The following NELL1 variants were observed in gnomAD, a reference collection of about 807,000 sequenced individuals.
NELL1 encodes neural EGFL like 1, also known as protein kinase C-binding protein NELL1.
In NELL1, 76 loss-of-function variants were observed where a neutral mutation model predicts 107.4. That is an observed-to-expected ratio of 0.71 (90% confidence interval 0.59 to 0.86). NELL1 has a LOEUF of 0.86. NELL1 is among the 40% of genes least tolerant of loss of function. NELL1 has a pLI of 0.00. For synonymous variants in NELL1, 353 were observed against 341.2 expected (o/e 1.03, Z -0.38); for missense variants, 1,024 against 1,005.5 (o/e 1.02, Z -0.25).
intron 12 of NELL1, among the ~76,000 whole-genome samples, chr11:21,097,398 C>T (rs1228234530): frequency 6.6e-6 from 1 of 152,190 alleles, no homozygotes; most frequent in Non-Finnish European, 1.5e-5. Flanking sequence ...GCACAGAGAA[C>T]AAAGGACACC....
At chr11:21,484,470 T>C (rs1854577308) in intron 15 of NELL1, among the ~76,000 whole-genome samples, 1 of 151,996 alleles carries the variant, frequency 6.6e-6, no homozygotes, top group African/African-American at 2.4e-5. Context: ...TTCCACATCT[T>C]CATGTAATTT....
intron 14 of NELL1, among the ~76,000 whole-genome samples, chr11:21,239,743 C>A (rs1490498828): frequency 6.6e-6 from 1 of 151,978 alleles, no homozygotes; most frequent in Non-Finnish European, 1.5e-5. Context: ...GAATCACAGT[C>A]CCACATCTAT....
At chr11:20,774,872 TG>T (rs1259675938) in intron 2 of NELL1, among the ~76,000 whole-genome samples, 1 of 151,976 alleles carries the variant, frequency 6.6e-6, no homozygotes, top group African/African-American at 2.4e-5. Context: ...GAGTACACCT[TG>T]GGGTTCTCAG....
At chr11:21,552,077 A>T (rs543321076) in intron 16 of NELL1, among the ~76,000 whole-genome samples, 1 of 142,920 alleles carries the variant, frequency 7.0e-6, no homozygotes, top group Admixed American at 7.1e-5. Flanking sequence ...CATAGGTGGG[A>T]ATTGAACAAT....
At chr11:20,954,065 T>C (rs1851120435) in intron 11 of NELL1, among the ~76,000 whole-genome samples, 1 of 152,220 alleles carries the variant, frequency 6.6e-6, no homozygotes, top group African/African-American at 2.4e-5. Context: ...TCTGTGTACC[T>C]TCCACAAGTT....
chr11:21,198,541 A>G (rs1023399621), intron 13 of NELL1, among the ~76,000 whole-genome samples: 2 of 152,200 alleles, frequency 1.3e-5, no homozygotes, highest in Admixed American at 6.5e-5. Context: ...TGGTAGAGAG[A>G]GACAGGTGCG....
At chr11:21,087,732 C>T (rs1054525673) in intron 12 of NELL1, among the ~76,000 whole-genome samples, 2 of 152,076 alleles carry the variant, frequency 1.3e-5, no homozygotes, top group Non-Finnish European at 2.9e-5. Context: ...GGCCCATGTA[C>T]CAAACCTGGC....
intron 3 of NELL1, among the ~76,000 whole-genome samples, chr11:20,798,514 ACTCTT>A (rs1233606946): frequency 2.6e-5 from 4 of 151,874 alleles, no homozygotes; most frequent in Non-Finnish European, 5.9e-5. Flanking sequence ...ATTTAAAAAA[ACTCTT>A]CTTTGACATC....
chr11:20,674,527 A>G, intron 1 of NELL1: 2 of 1,536,054 alleles, frequency 1.3e-6, no homozygotes, highest in Non-Finnish European at 1.7e-6. Flanking sequence ...GCTGATATGG[A>G]GAACTAGAGT....
intron 12 of NELL1, among the ~76,000 whole-genome samples, chr11:20,989,920 C>T (rs1426705751): frequency 1.3e-5 from 2 of 151,604 alleles, no homozygotes. Flanking sequence ...TGGCATGAAC[C>T]CGGGAGGCAG....
intron 14 of NELL1, among the ~76,000 whole-genome samples, chr11:21,259,766 CT>C (rs34727606): frequency 1.3e-5 from 2 of 151,690 alleles, no homozygotes; most frequent in African/African-American, 4.8e-5. Context: ...TCAAAAATGA[CT>C]TTTTTTCAAG....
At chr11:21,372,302 G>C (rs1483524973) in intron 15 of NELL1, among the ~76,000 whole-genome samples, 3 of 151,286 alleles carry the variant, frequency 2.0e-5, no homozygotes, top group Non-Finnish European at 4.4e-5. Flanking sequence ...AAAACTAAAA[G>C]ATTCTTACTG....
chr11:21,041,087 G>A (rs1853217609), intron 12 of NELL1, among the ~76,000 whole-genome samples: 1 of 152,132 alleles, frequency 6.6e-6, no homozygotes, highest in Non-Finnish European at 1.5e-5. Context: ...ATACGATTAT[G>A]TTGAAAGAAT....
intron 15 of NELL1, among the ~76,000 whole-genome samples, chr11:21,397,684 T>A (rs919429065): frequency 2.0e-5 from 3 of 151,684 alleles, no homozygotes; most frequent in African/African-American, 4.8e-5. Context: ...CTTGATATGG[T>A]TTGAATGTTT....
At chr11:21,018,237 A>G (rs1465971175) in intron 12 of NELL1, among the ~76,000 whole-genome samples, 1 of 152,146 alleles carries the variant, frequency 6.6e-6, no homozygotes, top group East Asian at 1.9e-4. Context: ...AAACTAGGAT[A>G]GAATAGGTTT....
intron 13 of NELL1, among the ~76,000 whole-genome samples, chr11:21,195,246 G>A (rs1390387910): frequency 2.0e-5 from 3 of 152,018 alleles, no homozygotes; most frequent in African/African-American, 7.3e-5. Context: ...TACATTGTAC[G>A]AAGGCTGTCA....
intron 2 of NELL1, among the ~76,000 whole-genome samples, chr11:20,742,011 TATGGACC>T (rs1855901871): frequency 6.6e-6 from 1 of 152,234 alleles, no homozygotes. Flanking sequence ...GCTGCAGGTC[TATGGACC>T]ATACTTTGAG....
At chr11:20,858,386 C>T (rs1339418990) in intron 4 of NELL1, among the ~76,000 whole-genome samples, 4 of 152,172 alleles carry the variant, frequency 2.6e-5, no homozygotes, top group Non-Finnish European at 5.9e-5. Context: ...GGCAAAGTAG[C>T]TAATGAGCTG....
intron 2 of NELL1, among the ~76,000 whole-genome samples, chr11:20,782,512 A>G (rs1303435402): frequency 2.6e-5 from 4 of 152,210 alleles, no homozygotes; most frequent in African/African-American, 9.6e-5. Context: ...TTTGCAGATG[A>G]GGGGACTGAG....
Sources: gnomAD v4.1 joint callset for allele counts (sites outside exome capture counted in the v4.1 genomes callset) on GRCh38, gnomAD v4.1.1 for gene constraint, MANE v1.5 for transcripts, NCBI Gene and HGNC (gene_info 2026-07-23, HGNC 2026-07-21) for gene names.